The following TRIQK variants were observed in gnomAD, a reference collection of about 807,000 sequenced individuals.
TRIQK encodes the protein triple QxxK/R motif-containing protein.
A neutral mutation model predicts 10.8 loss-of-function variants in TRIQK; 10 were observed. The observed-to-expected ratio is 0.92, with a 90% confidence interval of 0.57 to 1.57. The LOEUF (loss-of-function observed/expected upper bound fraction) is 1.57. Among genes scored for constraint, TRIQK ranks in the 40% most tolerant of loss-of-function variants. The pLI is 0.00. For synonymous variants in TRIQK, 33 were observed against 33.7 expected (o/e 0.98, Z 0.07); for missense variants, 107 against 97.7 (o/e 1.09, Z -0.40).
intron 1 of TRIQK, among the ~76,000 whole-genome samples, chr8:92,977,149 A>G (rs890531863): frequency 4.6e-5 from 7 of 151,950 alleles, no homozygotes; most frequent in Admixed American, 4.6e-4. Context: ...TTTCTTGAGC[A>G]TTTTGTATGA....
At chr8:92,908,157 T>C (rs893807919) in intron 3 of TRIQK, among the ~76,000 whole-genome samples, 1 of 152,160 alleles carries the variant, frequency 6.6e-6, no homozygotes, top group Non-Finnish European at 1.5e-5. Flanking sequence ...CAAGACTACA[T>C]CTTTGCCCTT....
At chr8:92,982,323 TTAG>T (rs1398960206) in intron 1 of TRIQK, among the ~76,000 whole-genome samples, 2 of 151,978 alleles carry the variant, frequency 1.3e-5, no homozygotes, top group East Asian at 3.8e-4. Context: ...ATCATTAATT[TTAG>T]TAGTGTATAT....
chr8:92,898,822 G>C (rs1176040871), intron 3 of TRIQK, among the ~76,000 whole-genome samples: 2 of 74,016 alleles, frequency 2.7e-5, no homozygotes, highest in Non-Finnish European at 5.1e-5. Context: ...GTACATAATA[G>C]GTGTGTGTGT....
At chr8:92,918,584 A>C (rs1221190538) in intron 2 of TRIQK, among the ~76,000 whole-genome samples, 1 of 151,884 alleles carries the variant, frequency 6.6e-6, no homozygotes, top group Non-Finnish European at 1.5e-5. Context: ...TTTGCTATTG[A>C]GTTGTTTGAG....
intron 3 of TRIQK, among the ~76,000 whole-genome samples, chr8:92,895,917 A>G (rs1808567667): frequency 6.6e-6 from 1 of 152,126 alleles, no homozygotes. Context: ...CTGGCCATGT[A>G]AAGAATAAAA....
intron 3 of TRIQK, among the ~76,000 whole-genome samples, chr8:92,906,929 A>C (rs1232784345): frequency 6.6e-6 from 1 of 151,968 alleles, no homozygotes; most frequent in Non-Finnish European, 1.5e-5. Context: ...CTTAGTGAAC[A>C]GCAGCTCAAG....
At chr8:92,942,624 A>T (rs1176794766) in intron 2 of TRIQK, among the ~76,000 whole-genome samples, 2 of 152,228 alleles carry the variant, frequency 1.3e-5, no homozygotes, top group Admixed American at 1.3e-4. Context: ...AGATGTCATT[A>T]TCTTACATGG....
chr8:92,913,158 A>G (rs1477377082), intron 3 of TRIQK, among the ~76,000 whole-genome samples: 2 of 152,212 alleles, frequency 1.3e-5, no homozygotes, highest in Non-Finnish European at 2.9e-5. Flanking sequence ...CAACACATGA[A>G]AATCAATTCA....
intron 3 of TRIQK, among the ~76,000 whole-genome samples, chr8:92,914,346 C>T (rs754849640): frequency 2.0e-5 from 3 of 151,648 alleles, no homozygotes; most frequent in Admixed American, 6.6e-5. Context: ...GGATGTAACA[C>T]TAAAGAACAT....
At chr8:92,924,992 T>G (rs530503946) in intron 2 of TRIQK, among the ~76,000 whole-genome samples, 1 of 152,158 alleles carries the variant, frequency 6.6e-6, no homozygotes, top group East Asian at 1.9e-4. Context: ...AAAAGATGAT[T>G]TCTAAAATCC....
intron 3 of TRIQK, among the ~76,000 whole-genome samples, chr8:92,902,684 C>T (rs1371678277): frequency 6.6e-6 from 1 of 151,924 alleles, no homozygotes; most frequent in Non-Finnish European, 1.5e-5. Context: ...TTATATATAG[C>T]CTATATTTAA....
intron 1 of TRIQK, among the ~76,000 whole-genome samples, chr8:93,012,722 T>C (rs1813347138): frequency 6.6e-6 from 1 of 152,158 alleles, no homozygotes; most frequent in African/African-American, 2.4e-5. Flanking sequence ...CCAATAGCAT[T>C]TTGTCAGCAG....
chr8:92,915,608 C>G (rs1005467087), intron 3 of TRIQK, among the ~76,000 whole-genome samples: 4 of 151,646 alleles, frequency 2.6e-5, no homozygotes, highest in African/African-American at 9.7e-5. Flanking sequence ...TCTCCTGGCT[C>G]AGCCTCCCAG....
At chr8:93,015,570 C>A (rs1170530332) in intron 1 of TRIQK, among the ~76,000 whole-genome samples, 1 of 151,452 alleles carries the variant, frequency 6.6e-6, no homozygotes, top group Non-Finnish European at 1.5e-5. Flanking sequence ...ATGCAACTTT[C>A]TAACAAATCC....
In TRIQK at chr8:93,010,330, C is replaced by A. The variant is rs59945501; in HGVS notation, c.-181+7279G>T. Among the ~76,000 whole-genome samples, 65 of 151,998 alleles carry A rather than the reference C, an allele frequency of 4.3e-4. No individual in the cohort carries two copies. The East Asian group carries it at 0.012, about 28-fold the overall frequency. On this transcript the variant is annotated intron_variant, in intron 1 of 4. Coordinates refer to the TRIQK transcript ENST00000520686. The stretch of plus-strand genomic sequence containing the variant: ...TATATGCTAATTACCATGACTTGAT[C>A]ATTACTCAATGTATCTATGTATTGA...
At chr8:92,905,342 C>T (rs1809196591) in intron 3 of TRIQK, among the ~76,000 whole-genome samples, 1 of 152,042 alleles carries the variant, frequency 6.6e-6, no homozygotes, top group African/African-American at 2.4e-5. Context: ...ATATATACAA[C>T]ATGATTTCAT....
intron 3 of TRIQK, among the ~76,000 whole-genome samples, chr8:92,903,673 GCTAGATCTATA>G (rs938258441): frequency 6.6e-6 from 1 of 151,936 alleles, no homozygotes; most frequent in Admixed American, 6.6e-5. Flanking sequence ...TCCTGAAATT[GCTAGATCTATA>G]CTATTAATAA....
chr8:92,960,279 T>A (rs747375743), intron 1 of TRIQK, among the ~76,000 whole-genome samples: 1 of 152,198 alleles, frequency 6.6e-6, no homozygotes, highest in Non-Finnish European at 1.5e-5. Flanking sequence ...GTGGACTCTA[T>A]TCTTTATTCT....
chr8:92,978,715 C>T lies in TRIQK; in HGVS notation c.-180-24151G>A, dbSNP rs543135202. ...GCTCAGAGTCAGGGCAACCACAGTC[C>T]TTTGGTGACAGGAATGAACATATTT... On this transcript the variant is annotated intron_variant, in intron 1 of 4. Transcript: ENST00000520686. Among the ~76,000 whole-genome samples, 6 of 152,166 alleles carry T rather than the reference C, an allele frequency of 3.9e-5. No individual in the cohort carries two copies. The East Asian group carries it at 7.7e-4, about 20-fold the overall frequency.
Sources: gnomAD v4.1 joint callset for allele counts (sites outside exome capture counted in the v4.1 genomes callset) on GRCh38, gnomAD v4.1.1 for gene constraint, MANE v1.5 for transcripts, NCBI Gene and HGNC (gene_info 2026-07-23, HGNC 2026-07-21) for gene names.